Variants in STEEP1 observed in about 807,000 individuals in gnomAD.
STEEP1 encodes STING1 ER exit protein 1.
STEEP1 carries 3 observed loss-of-function variants against 19.2 expected under a neutral mutation model. The ratio of observed to expected loss-of-function variants is 0.16; its 90% confidence interval spans 0.07 to 0.40. The LOEUF is 0.40. Among genes scored for constraint, STEEP1 ranks in the 10% least tolerant of loss-of-function variants. The pLI is 0.99. For missense variants in STEEP1, 54 were observed against 177.1 expected (o/e 0.30, Z 3.94); for synonymous variants, 46 against 63.7 (o/e 0.72, Z 1.32).
chrX:119,548,053 T>G (rs182276130), intron 2 of STEEP1, among the ~76,000 whole-genome samples: 58 of 110,389 alleles, frequency 5.3e-4, no homozygotes, highest in Non-Finnish European at 9.1e-4. Flanking sequence ...ATGCCTGTAA[T>G]CCCAGCTACT....
chrX:119,560,235 G>A (rs370194566), intron 2 of STEEP1, 33 bp downstream of exon 2: 2 of 993,635 alleles, frequency 2.0e-6, no homozygotes, highest in African/African-American at 3.8e-5. Flanking sequence ...AACACAATAG[G>A]GAAATCCTAA....
intron 2 of STEEP1, among the ~76,000 whole-genome samples, chrX:119,558,263 G>A (rs1205264170): frequency 5.4e-5 from 6 of 111,011 alleles, no homozygotes; most frequent in Admixed American, 2.9e-4. Flanking sequence ...GGCCGGGCAC[G>A]ATGGCTCACG....
intron 2 of STEEP1, among the ~76,000 whole-genome samples, chrX:119,552,274 G>A (rs1453018241): frequency 1.8e-5 from 2 of 111,514 alleles, no homozygotes; most frequent in Non-Finnish European, 3.8e-5. Flanking sequence ...CTAACCTCAA[G>A]TGATCTGCCC....
At chrX:119,564,304 G>C (rs1342154713) in intron 1 of STEEP1, among the ~76,000 whole-genome samples, 2 of 111,096 alleles carry the variant, frequency 1.8e-5, no homozygotes, top group African/African-American at 3.3e-5. Context: ...AGACCAGCCT[G>C]GCCAACGTAG....
chrX:119,565,180 GAACCCGA>G, intron 1 of STEEP1, 45 bp downstream of exon 1: 1 of 1,144,921 alleles, frequency 8.7e-7, no homozygotes, highest in Non-Finnish European at 1.2e-6. Flanking sequence ...TCGCCTTCAA[GAACCCGA>G]AGTCTGGCTC....
chrX:119,545,420 C>T, intron 3 of STEEP1, 43 bp downstream of exon 3: 1 of 915,599 alleles, frequency 1.1e-6, no homozygotes, highest in Non-Finnish European at 1.6e-6. Flanking sequence ...CATTATGCCT[C>T]TACTTGCCTA....
At chrX:119,560,204 T>C in intron 2 of STEEP1, 64 bp downstream of exon 2, 1 of 769,925 alleles carries the variant, frequency 1.3e-6, no homozygotes, top group Admixed American at 2.3e-5. Flanking sequence ...GTGATATTTA[T>C]ATTATTCAGA....
chrX:119,549,380 A>G (rs2053229399), intron 2 of STEEP1, among the ~76,000 whole-genome samples: 1 of 111,966 alleles, frequency 8.9e-6, no homozygotes, highest in Non-Finnish European at 1.9e-5. Flanking sequence ...AGCTAAAAAA[A>G]TTAACACATC....
intron 2 of STEEP1, among the ~76,000 whole-genome samples, chrX:119,547,195 T>C (rs2053212133): frequency 8.9e-6 from 1 of 112,056 alleles, no homozygotes; most frequent in Non-Finnish European, 1.9e-5. Flanking sequence ...AATATATATA[T>C]ATATTCCATA....
chrX:119,561,790 GAGTTAGAGAACACTAGGC>G (rs2053322592), intron 1 of STEEP1, among the ~76,000 whole-genome samples: 1 of 112,252 alleles, frequency 8.9e-6, no homozygotes, highest in Admixed American at 9.5e-5. Flanking sequence ...GTGAAGAGAG[GAGTTAGAGAACACTAGGC>G]AGTTTACATG....
Position 119,557,774 on chromosome X carries a change from T to G in STEEP1, c.242+2494A>C, listed in dbSNP as rs182871238. Among the ~76,000 whole-genome samples the G allele has an allele frequency of 6.3e-5, 7 of 111,453 alleles. No homozygotes were observed. In the East Asian group the frequency reaches 2.0e-3, roughly 32 times the overall value. On this transcript the variant is annotated intron_variant, in intron 2 of 6. Transcript: ENST00000644802. ...GCTGGTAAACGCCAAAAACCAGGAA[T>G]GAGGCAAGGAAGGATTCTCCCCTAC...
At chrX:119,560,137 A>G in intron 2 of STEEP1, 131 bp downstream of exon 2, 1 of 502,435 alleles carries the variant, frequency 2.0e-6, no homozygotes, top group Non-Finnish European at 3.5e-6. Context: ...AACAGAAGTT[A>G]GAAAACCACC....
At chrX:119,549,076 T>C (rs1185794746) in intron 2 of STEEP1, among the ~76,000 whole-genome samples, 1 of 111,361 alleles carries the variant, frequency 9.0e-6, no homozygotes, top group Admixed American at 9.6e-5. Flanking sequence ...GGGCTGAAGG[T>C]GGAGGAAATG....
chrX:119,546,183 G>A (rs1020825183), intron 2 of STEEP1, among the ~76,000 whole-genome samples: 6 of 111,407 alleles, frequency 5.4e-5, no homozygotes, highest in Non-Finnish European at 1.1e-4. Context: ...GCTCACGCCT[G>A]CAATCCTAGC....
chrX:119,546,428 G>A (rs1267696051), intron 2 of STEEP1, among the ~76,000 whole-genome samples: 2 of 80,856 alleles, frequency 2.5e-5, no homozygotes, highest in Non-Finnish European at 4.6e-5. Flanking sequence ...GTGACGGAAC[G>A]AGACTCCATC....
intron 1 of STEEP1, among the ~76,000 whole-genome samples, chrX:119,562,669 A>G (rs1161960822): frequency 1.1e-5 from 1 of 88,188 alleles, no homozygotes; most frequent in African/African-American, 4.5e-5. Context: ...CCTGGGCTAC[A>G]AGAGCTAGAC....
intron 2 of STEEP1, among the ~76,000 whole-genome samples, chrX:119,548,325 G>C (rs768158258): frequency 9.0e-6 from 1 of 111,012 alleles, no homozygotes; most frequent in East Asian, 2.8e-4. Flanking sequence ...ACGAAGGTCA[G>C]GAGATCGAGA....
intron 4 of STEEP1, 83 bp downstream of exon 4, chrX:119,544,270 G>C (rs1415185771): frequency 5.0e-6 from 4 of 806,298 alleles, no homozygotes; most frequent in Non-Finnish European, 7.1e-6. Flanking sequence ...ATAAAGAGCA[G>C]TTTCTCATCA....
chrX:119,564,503 A>AAG (rs1556224647), intron 1 of STEEP1, among the ~76,000 whole-genome samples: 8 of 77,662 alleles, frequency 1.0e-4, no homozygotes, highest in Non-Finnish European at 1.9e-4. Flanking sequence ...CTGAAAAAAA[A>AAG]GGGGGGGGGG....
Sources: allele counts gnomAD v4.1 joint callset (sites outside exome capture counted in the v4.1 genomes callset), GRCh38; gene constraint gnomAD v4.1.1; transcripts MANE v1.5; gene names NCBI Gene and HGNC (gene_info 2026-07-23, HGNC 2026-07-21).